Variants in ACSS3 observed in about 807,000 individuals in gnomAD.
The protein encoded by ACSS3 is acyl-CoA synthetase short chain family member 3.
In ACSS3, 64 loss-of-function variants were observed where a neutral mutation model predicts 84.2. The ratio of observed to expected loss-of-function variants is 0.76; its 90% CI spans 0.62 to 0.94. The LOEUF (loss-of-function observed/expected upper bound fraction) is 0.94, where lower values mean the gene tolerates loss of function less well. Among genes scored for constraint, ACSS3 ranks in the 40% least tolerant of loss-of-function variants. ACSS3 has a pLI of 0.00. For missense variants in ACSS3, 815 were observed against 867.6 expected, an observed-to-expected ratio of 0.94 and a Z score of 0.76; for synonymous variants, 317 against 310.1, an observed-to-expected ratio of 1.02 and a Z score of -0.23.
At chr12:81,220,584 T>C (rs1290919937) in intron 11 of ACSS3, among the ~76,000 whole-genome samples, 2 of 152,006 alleles carry the variant, frequency 1.3e-5, no homozygotes, top group Admixed American at 6.6e-5. Context: ...TTTCAACCCT[T>C]GCCTCCCTCC....
intron 7 of ACSS3, among the ~76,000 whole-genome samples, chr12:81,157,380 A>C (rs889163736): frequency 3.3e-5 from 5 of 152,236 alleles, no homozygotes; most frequent in Non-Finnish European, 7.3e-5. Flanking sequence ...TCACCTATGA[A>C]AAAACCTGCT....
At chr12:81,148,056 T>C (rs1886428483) in intron 5 of ACSS3, among the ~76,000 whole-genome samples, 1 of 152,000 alleles carries the variant, frequency 6.6e-6, no homozygotes, top group African/African-American at 2.4e-5. Flanking sequence ...ACAAAATAAA[T>C]GATAGAGGGA....
intron 8 of ACSS3, among the ~76,000 whole-genome samples, chr12:81,194,579 T>C (rs540954797): frequency 3.9e-5 from 6 of 151,922 alleles, no homozygotes; most frequent in Non-Finnish European, 8.8e-5. Context: ...CTTTCAGAGA[T>C]GAAACCACTT....
intron 8 of ACSS3, among the ~76,000 whole-genome samples, chr12:81,181,607 G>A (rs1452725155): frequency 6.6e-6 from 1 of 151,962 alleles, no homozygotes; most frequent in Non-Finnish European, 1.5e-5. Flanking sequence ...AGAAAACCAA[G>A]AGAGACAAAA....
At chr12:81,234,160 G>A (rs188325311) in intron 13 of ACSS3, among the ~76,000 whole-genome samples, 1 of 151,286 alleles carries the variant, frequency 6.6e-6, no homozygotes, top group Non-Finnish European at 1.5e-5. Flanking sequence ...TGTAACCTTT[G>A]AGACTGGGTT....
chr12:81,249,095 T>C (rs1307988082), intron 13 of ACSS3, among the ~76,000 whole-genome samples: 1 of 152,034 alleles, frequency 6.6e-6, no homozygotes, highest in African/African-American at 2.4e-5. Flanking sequence ...AGTCTATTTT[T>C]AAAGTGTTGA....
chr12:81,233,194 G>T (rs1410073783), intron 12 of ACSS3, among the ~76,000 whole-genome samples, 155 bp from the exon 13 acceptor site: 2 of 151,756 alleles, frequency 1.3e-5, no homozygotes, highest in African/African-American at 4.8e-5. Flanking sequence ...ACAGTTTCCA[G>T]ATAAAAAGTA....
Position 81,216,991 on chromosome 12 carries a change from A to T in ACSS3, c.1445A>T (p.Tyr482Phe). The change falls in exon 10 of 16, where the codon TAC (tyrosine) becomes TTC (phenylalanine). Residue 482 changes from tyrosine to phenylalanine, a missense_variant. Coordinates refer to ENST00000548058, the MANE Select transcript of ACSS3 (RefSeq NM_024560.4). ...PGQAGKSVPG[Y>F]NVMILDDNMQ... ...CAAGCAGGAAAAAGCGTCCCAGGAT[A>T]CAATGGTAAGGAATGACCCTGATAA... The T allele has an allele frequency of 6.2e-7, 1 of 1,608,390 alleles. No individual in the cohort carries two copies.
chr12:81,202,443 G>C (rs1028832358), intron 9 of ACSS3, among the ~76,000 whole-genome samples: 1 of 152,114 alleles, frequency 6.6e-6, no homozygotes, highest in Non-Finnish European at 1.5e-5. Context: ...TATTACAAGT[G>C]CATTAATGAG....
chr12:81,134,160 G>A (rs1007787260), intron 2 of ACSS3, among the ~76,000 whole-genome samples: 1 of 152,034 alleles, frequency 6.6e-6, no homozygotes, highest in Admixed American at 6.6e-5. Context: ...AACTATAAAG[G>A]CAGTAGAAAG....
At chr12:81,119,054 A>T (rs1884322248) in intron 2 of ACSS3, among the ~76,000 whole-genome samples, 1 of 152,096 alleles carries the variant, frequency 6.6e-6, no homozygotes, top group Non-Finnish European at 1.5e-5. Context: ...CTGAGAAATA[A>T]AGAGAAAGAG....
At chr12:81,176,367 G>A (rs61936383) in intron 8 of ACSS3, among the ~76,000 whole-genome samples, 47,251 of 151,934 alleles carry the variant, frequency 0.31, 8,933 homozygotes, top group Middle Eastern at 0.44. Context: ...TCACGCAGTC[G>A]AGACCATCCT....
At chr12:81,123,686 G>T (rs1884835575) in intron 2 of ACSS3, among the ~76,000 whole-genome samples, 1 of 151,964 alleles carries the variant, frequency 6.6e-6, no homozygotes, top group Non-Finnish European at 1.5e-5. Flanking sequence ...TGTACACAAT[G>T]TTTAGATCCC....
At chr12:81,186,911 T>C (rs2031294941) in intron 8 of ACSS3, among the ~76,000 whole-genome samples, 1 of 151,874 alleles carries the variant, frequency 6.6e-6, no homozygotes, top group African/African-American at 2.4e-5. Flanking sequence ...TGCATTCCCA[T>C]GTTCATTGTG....
rs779788628 is a variant in ACSS3, at chr12:81,152,089, T to C, written c.1091T>C (p.Leu364Ser). Residue 364 changes from leucine (L) to serine (S), a missense_variant, in exon 7 of 16, where the codon TTA becomes TCA. By Grantham distance (145) the Leu-to-Ser change is moderately radical (BLOSUM62 -2). Transcript: ENST00000548058. ...GPLLHGNTTV[L>S]YEGKPVGTPD... ...CTTCTTCATGGGAACACAACAGTTTTATATGAGGTAATAAAGTAAAGTTAA... is the reference window on the plus strand; with the variant it reads ...CTTCTTCATGGGAACACAACAGTTTCATATGAGGTAATAAAGTAAAGTTAA... 3.1e-6 allele frequency: 5 copies of C among 1,609,902 alleles called. No homozygotes were observed. The highest frequency in any genetic ancestry group is 4.5e-5 in the East Asian group (2 of 44,828).
intron 11 of ACSS3, among the ~76,000 whole-genome samples, chr12:81,223,267 G>A (rs1312974987): frequency 6.6e-6 from 1 of 151,992 alleles, no homozygotes; most frequent in African/African-American, 2.4e-5. Context: ...AGCCATGGTG[G>A]GGTGCAAGGG....
chr12:81,080,189 G>A (rs749902718), intron 1 of ACSS3, among the ~76,000 whole-genome samples: 3 of 152,150 alleles, frequency 2.0e-5, no homozygotes, highest in Non-Finnish European at 4.4e-5. Flanking sequence ...AATAAGAATG[G>A]AGGAGAAAGG....
chr12:81,190,073 A>G (rs572474145), intron 8 of ACSS3, among the ~76,000 whole-genome samples: 1 of 152,230 alleles, frequency 6.6e-6, no homozygotes, highest in East Asian at 1.9e-4. Context: ...ATCATTATAG[A>G]TTTATAACAG....
intron 12 of ACSS3, 24 bp from the exon 13 acceptor site, chr12:81,233,325 A>C (rs1390416404): frequency 1.3e-5 from 21 of 1,606,854 alleles, no homozygotes; most frequent in Non-Finnish European, 1.8e-5. Context: ...ATGCTAATCA[A>C]ATGTTATTTT....
Sources: allele counts gnomAD v4.1 joint callset (sites outside exome capture counted in the v4.1 genomes callset), GRCh38; gene constraint gnomAD v4.1.1; transcripts MANE v1.5; gene names NCBI Gene and HGNC (gene_info 2026-07-23, HGNC 2026-07-21).